CDH7: variants seen among roughly 807,000 people sequenced by gnomAD.
CDH7 encodes cadherin 7.
In CDH7, 25 loss-of-function variants were observed where a neutral mutation model predicts 71.8. The ratio of observed to expected loss-of-function variants is 0.35; its 90% confidence interval spans 0.25 to 0.49. The LOEUF is 0.49. Ranked by LOEUF, CDH7 falls within the 20% of genes least tolerant of loss-of-function variation. The pLI, the probability that CDH7 is intolerant of heterozygous loss-of-function variation, is 0.99. For missense variants in CDH7, 862 were observed against 974.6 expected (o/e 0.88, Z 1.54); for synonymous variants, 381 against 363.8 (o/e 1.05, Z -0.54).
At chr18:65,782,348 G>A (rs1377843580) in intron 2 of CDH7, among the ~76,000 whole-genome samples, 1 of 151,542 alleles carries the variant, frequency 6.6e-6, no homozygotes. Context: ...TGTATTTTTA[G>A]TAGAGACGGG....
At chr18:65,751,901 C>T (rs1425091898) in intron 1 of CDH7, among the ~76,000 whole-genome samples, 1 of 152,160 alleles carries the variant, frequency 6.6e-6, no homozygotes, top group Non-Finnish European at 1.5e-5. Flanking sequence ...TTCTGTACCG[C>T]TTCACGTTTT....
At chr18:65,830,585 TCTCCTTCCCTCC>T (rs1912304986) in intron 6 of CDH7, among the ~76,000 whole-genome samples, 1 of 132,240 alleles carries the variant, frequency 7.6e-6, no homozygotes, top group South Asian at 3.3e-4. Context: ...TCCTTCCCTC[TCTCCTTCCCTCC>T]CCCCTTCCCT....
chr18:65,781,089 A>G (rs1910168408), intron 2 of CDH7, among the ~76,000 whole-genome samples: 2 of 152,074 alleles, frequency 1.3e-5, no homozygotes, highest in Non-Finnish European at 2.9e-5. Flanking sequence ...AATCTTCCCA[A>G]GATGGTGTTG....
chr18:65,862,276 TA>T (rs1303892519), intron 10 of CDH7, among the ~76,000 whole-genome samples: 1 of 152,194 alleles, frequency 6.6e-6, no homozygotes, highest in African/African-American at 2.4e-5. Flanking sequence ...TTATCTGTGC[TA>T]TATGATGATA....
chr18:65,883,786 T>G lies in CDH7; in HGVS notation c.*2892T>G, dbSNP rs1172785623. 1.3e-5 allele frequency: 2 copies of G among 152,146 alleles called. No homozygotes were observed. Among genetic ancestry groups the G allele is most frequent in the East Asian group, 1.9e-4 (1 of 5,190 alleles). The allele number at this position is 152,146 out of a possible 1,614,324, so 9.4% of individuals were successfully genotyped here. A position where few individuals can be genotyped will look rare whatever the true frequency, so the allele number is the denominator to read the frequency against. ...TCATAATTGTAAATATAGTATGAAT[T>G]TATATGATTTAAAATAATGACATGA... is the stretch of plus-strand genomic sequence containing the variant. On this transcript the variant is annotated 3_prime_UTR_variant, in exon 12 of 12. Transcript: ENST00000397968.
chr18:65,840,146 C>T (rs1408746546), intron 6 of CDH7, among the ~76,000 whole-genome samples: 1 of 152,134 alleles, frequency 6.6e-6, no homozygotes, highest in Non-Finnish European at 1.5e-5. Flanking sequence ...CAGACCCTTG[C>T]TTTACACAGA....
intron 11 of CDH7, among the ~76,000 whole-genome samples, chr18:65,867,133 T>G (rs1417289682): frequency 6.6e-6 from 1 of 151,776 alleles, no homozygotes; most frequent in Non-Finnish European, 1.5e-5. Flanking sequence ...CCTCCTGGGT[T>G]CACGCCATTC....
chr18:65,777,676 C>G (rs886686910), intron 2 of CDH7, among the ~76,000 whole-genome samples: 25 of 152,048 alleles, frequency 1.6e-4, no homozygotes, highest in Admixed American at 8.5e-4. Flanking sequence ...CACCCACCAC[C>G]AGAGTATAAT....
chr18:65,812,888 T>C (rs1390807625), intron 3 of CDH7, among the ~76,000 whole-genome samples: 2 of 152,232 alleles, frequency 1.3e-5, no homozygotes, highest in Non-Finnish European at 2.9e-5. Flanking sequence ...GTAAAGATGA[T>C]ACATATAGAG....
At chr18:65,758,520 T>C (rs1916098766) in intron 1 of CDH7, among the ~76,000 whole-genome samples, 1 of 152,192 alleles carries the variant, frequency 6.6e-6, no homozygotes, top group Admixed American at 6.5e-5. Context: ...CACTGTTTTC[T>C]GATTTTCCAA....
rs372219719 is a variant in CDH7, at chr18:65,796,862, T to C, written c.211-12842T>C. On this transcript the variant is annotated intron_variant, in intron 2 of 11. Coordinates refer to ENST00000397968, the MANE Select transcript of CDH7 (RefSeq NM_004361.5). ...ACTAATAAATAATCGAATATACTTC[T>C]ATATTTGATACTCATTTGGGCAGAA... 1.4e-4 allele frequency among the ~76,000 whole-genome samples: 21 copies of C among 152,310 alleles called. 1 individual carries two copies. Among genetic ancestry groups the C allele is most frequent in the African/African-American group, 4.8e-4 (20 of 41,574 alleles).
At chr18:65,802,417 T>A (rs1052590248) in intron 2 of CDH7, among the ~76,000 whole-genome samples, 1 of 152,212 alleles carries the variant, frequency 6.6e-6, no homozygotes, top group Non-Finnish European at 1.5e-5. Flanking sequence ...TCAAATTCTG[T>A]TTTTATCTTA....
chr18:65,827,195 A>G (rs1197195686), intron 6 of CDH7, among the ~76,000 whole-genome samples: 1 of 151,838 alleles, frequency 6.6e-6, no homozygotes, highest in Non-Finnish European at 1.5e-5. Flanking sequence ...GTTAGCAACT[A>G]AAATTAAATT....
intron 11 of CDH7, among the ~76,000 whole-genome samples, chr18:65,873,673 G>A (rs2144059438): frequency 6.6e-6 from 1 of 152,218 alleles, no homozygotes; most frequent in Non-Finnish European, 1.5e-5. Context: ...TGGCAACTAT[G>A]GTAGACAACG....
At chr18:65,807,633 G>GTCC (rs1298149366) in intron 2 of CDH7, among the ~76,000 whole-genome samples, 2 of 152,216 alleles carry the variant, frequency 1.3e-5, no homozygotes, top group Non-Finnish European at 2.9e-5. Context: ...AGCATTAGGA[G>GTCC]AGCAGCACTG....
chr18:65,856,904 A>G (rs2144025752), intron 7 of CDH7, among the ~76,000 whole-genome samples: 1 of 152,134 alleles, frequency 6.6e-6, no homozygotes, highest in East Asian at 1.9e-4. Flanking sequence ...AAATGTTTGG[A>G]TTACAGATAT....
rs138534553 is a variant in CDH7 at position 65,850,580 on chromosome 18, T to TTTATTATTA, written c.1235+6545_1235+6553dup. ...TAAGATTCACATTCCCTGCAGAGGTTTTATTATTATTATTATTATTATTAT... is the reference window on the plus strand; with the variant it reads ...TAAGATTCACATTCCCTGCAGAGGTTTTATTATTATTATTATTATTATTATTATTATTAT... On this transcript the variant is annotated intron_variant, in intron 7 of 11. Transcript: ENST00000397968. Among the ~76,000 whole-genome samples the TTTATTATTA allele has an allele frequency of 1.4e-3, 207 of 147,792 alleles. 1 individual carries two copies. The highest frequency in any genetic ancestry group is 5.1e-3 in the African/African-American group (203 of 39,692).
intron 6 of CDH7, among the ~76,000 whole-genome samples, chr18:65,832,186 G>T (rs1912373562): frequency 7.0e-6 from 1 of 142,474 alleles, no homozygotes; most frequent in African/African-American, 2.5e-5. Context: ...ATAAAACTTT[G>T]GTCCATATCC....
intron 6 of CDH7, among the ~76,000 whole-genome samples, chr18:65,825,337 A>C (rs999653558): frequency 5.3e-5 from 8 of 151,950 alleles, no homozygotes; most frequent in African/African-American, 9.7e-5. Context: ...CAAGAAAAGC[A>C]TGAAAAGTTG....
Sources: gnomAD v4.1 joint callset for allele counts (sites outside exome capture counted in the v4.1 genomes callset) on GRCh38, gnomAD v4.1.1 for gene constraint, MANE v1.5 for transcripts, NCBI Gene and HGNC (gene_info 2026-07-23, HGNC 2026-07-21) for gene names.